MAD1L1: variants seen among roughly 807,000 people sequenced by gnomAD.
MAD1L1 encodes the protein mitotic spindle assembly checkpoint protein MAD1.
Under a neutral mutation model 96.9 loss-of-function variants are expected in MAD1L1, and 95 were observed. The ratio of observed to expected loss-of-function variants is 0.98; its 90% CI spans 0.83 to 1.16. The LOEUF (loss-of-function observed/expected upper bound fraction) is 1.16, where lower values mean the gene tolerates loss of function less well. MAD1L1 is among the 50% of genes most tolerant of loss of function. The pLI is 0.00. For synonymous variants in MAD1L1, 473 were observed against 396.6 expected (o/e 1.19, Z -2.29); for missense variants, 1,007 against 954.4 (o/e 1.06, Z -0.73).
rs552471418 is a variant in MAD1L1, at chr7:1,840,598, G to A, written c.1999-24370C>T. Among the ~76,000 whole-genome samples, 8 of 152,248 alleles carry A rather than the reference G, an allele frequency of 5.3e-5. No homozygotes were observed. In the South Asian group the frequency reaches 1.0e-3, roughly 20 times the overall value. On this transcript the variant is annotated intron_variant, in intron 18 of 18. Coordinates refer to ENST00000265854, the MANE Select transcript of MAD1L1 (RefSeq NM_001013836.2). ...TACAAAAAAAGCCAGGCATGGTGGC[G>A]GGCGCCTGTAATCCCAGCTACTCGG... is the stretch of plus-strand genomic sequence containing the variant.
At chr7:1,835,939 C>T (rs1782917412) in intron 18 of MAD1L1, among the ~76,000 whole-genome samples, 1 of 152,214 alleles carries the variant, frequency 6.6e-6, no homozygotes, top group Non-Finnish European at 1.5e-5. Flanking sequence ...TGTAAGCTGT[C>T]ATGGCACTGG....
intron 2 of MAD1L1, 67 bp downstream of exon 2, chr7:2,230,482 A>AGACACAGAGCCAACAG (rs1400258511): frequency 4.3e-6 from 1 of 233,976 alleles, no homozygotes; most frequent in Non-Finnish European, 8.6e-6. Flanking sequence ...GGTTCTCCAG[A>AGACACAGAGCCAACAG]GACACAGAGC....
chr7:1,914,875 A>G (rs746580478), intron 17 of MAD1L1, among the ~76,000 whole-genome samples: 1 of 152,138 alleles, frequency 6.6e-6, no homozygotes, highest in Non-Finnish European at 1.5e-5. Context: ...GGGCCTCCCA[A>G]AGCGTTGGGA....
chr7:2,074,674 C>T (rs992190317), intron 11 of MAD1L1, among the ~76,000 whole-genome samples: 7 of 152,382 alleles, frequency 4.6e-5, no homozygotes, highest in South Asian at 2.1e-4. Context: ...CACTCCCTGG[C>T]GAAGCGCAGG....
At chr7:2,217,326 G>C (rs1793343016) in intron 7 of MAD1L1, among the ~76,000 whole-genome samples, 1 of 152,236 alleles carries the variant, frequency 6.6e-6, no homozygotes, top group African/African-American at 2.4e-5. Flanking sequence ...CTGCCAGCCA[G>C]AAAATCCTGA....
At chr7:2,057,470 C>T (rs1376117050) in intron 12 of MAD1L1, among the ~76,000 whole-genome samples, 2 of 152,206 alleles carry the variant, frequency 1.3e-5, no homozygotes, top group African/African-American at 4.8e-5. Flanking sequence ...GCCAAGATTG[C>T]ACCACTGCAC....
At chr7:2,116,916 G>T (rs1476791540) in intron 11 of MAD1L1, among the ~76,000 whole-genome samples, 1 of 152,210 alleles carries the variant, frequency 6.6e-6, no homozygotes, top group African/African-American at 2.4e-5. Flanking sequence ...TGGAGACAAA[G>T]AAGTATTTGC....
intron 11 of MAD1L1, among the ~76,000 whole-genome samples, chr7:2,083,891 G>GCTCC (rs1785778648): frequency 6.6e-6 from 1 of 152,234 alleles, no homozygotes; most frequent in South Asian, 2.1e-4. Flanking sequence ...GCTGCAGGAT[G>GCTCC]CTCCCAGTGA....
At chr7:1,880,233 T>C (rs1785608551) in intron 18 of MAD1L1, among the ~76,000 whole-genome samples, 1 of 152,172 alleles carries the variant, frequency 6.6e-6, no homozygotes, top group South Asian at 2.1e-4. Flanking sequence ...CCATGTTTCC[T>C]GGGAGCCTGC....
At chr7:2,183,301 A>T (rs1791293587) in intron 10 of MAD1L1, among the ~76,000 whole-genome samples, 1 of 152,230 alleles carries the variant, frequency 6.6e-6, no homozygotes, top group Non-Finnish European at 1.5e-5. Context: ...GACAAGCCAC[A>T]GACAGGGCAA....
chr7:2,001,990 T>G, intron 14 of MAD1L1, 75 bp downstream of exon 14: 1 of 1,510,036 alleles, frequency 6.6e-7, no homozygotes, highest in South Asian at 1.1e-5. Context: ...CCTAAAGGCT[T>G]ATGGGGACAG....
At chr7:1,887,819 GC>G (rs1786193171) in intron 18 of MAD1L1, among the ~76,000 whole-genome samples, 1 of 139,320 alleles carries the variant, frequency 7.2e-6, no homozygotes, top group South Asian at 2.3e-4. Context: ...GTGTGTGTGT[GC>G]ATGTGTGCAT....
rs183922568 is a variant in MAD1L1 at position 1,957,611 on chromosome 7, A to C, written c.1596+18T>G. The C allele has an allele frequency of 1.9e-6, 3 of 1,612,500 alleles. No homozygotes were observed. The African/African-American group carries it at 4.0e-5, about 22-fold the overall frequency. ...GAGGCCCAGGCAGTGCCTCACCCAGAGGCTGCCCCGCCCTCACCTGCAGAG... is the reference window on the plus strand; with the variant it reads ...GAGGCCCAGGCAGTGCCTCACCCAGCGGCTGCCCCGCCCTCACCTGCAGAG... On this transcript the variant is annotated intron_variant, in intron 16 of 18. Transcript: ENST00000265854.
At chr7:2,064,874 C>T (rs1184055541) in intron 12 of MAD1L1, among the ~76,000 whole-genome samples, 2 of 151,668 alleles carry the variant, frequency 1.3e-5, no homozygotes, top group East Asian at 3.9e-4. Flanking sequence ...CAAAGGATGG[C>T]GGCTTCTCCA....
chr7:1,938,497 G>A (rs1345941585), intron 16 of MAD1L1, among the ~76,000 whole-genome samples: 1 of 152,174 alleles, frequency 6.6e-6, no homozygotes, highest in Non-Finnish European at 1.5e-5. Flanking sequence ...AGAGCAGGAG[G>A]TGCTGTTTGA....
intron 11 of MAD1L1, among the ~76,000 whole-genome samples, chr7:2,145,689 G>C (rs1004643): frequency 0.26 from 38,952 of 152,120 alleles, 5,883 homozygotes; most frequent in Non-Finnish European, 0.33. Flanking sequence ...GCACCAGGTT[G>C]CACGGCAAGC....
intron 18 of MAD1L1, among the ~76,000 whole-genome samples, chr7:1,856,406 T>C (rs1427287148): frequency 1.3e-5 from 2 of 152,298 alleles, no homozygotes; most frequent in East Asian, 3.9e-4. Flanking sequence ...GGGGGCCCCC[T>C]GCCTCCAGCG....
chr7:1,910,401 G>T (rs1475520379), intron 17 of MAD1L1, among the ~76,000 whole-genome samples: 1 of 152,250 alleles, frequency 6.6e-6, no homozygotes, highest in Non-Finnish European at 1.5e-5. Flanking sequence ...ACTACAGGGA[G>T]GGCTGGTCGC....
At chr7:2,135,914 A>G (rs1008988215) in intron 11 of MAD1L1, among the ~76,000 whole-genome samples, 6 of 152,192 alleles carry the variant, frequency 3.9e-5, no homozygotes, top group African/African-American at 1.4e-4. Context: ...GCATTTGGGA[A>G]GCGTGGCCAT....
Sources: allele counts gnomAD v4.1 joint callset (sites outside exome capture counted in the v4.1 genomes callset), GRCh38; gene constraint gnomAD v4.1.1; transcripts MANE v1.5; gene names NCBI Gene and HGNC (gene_info 2026-07-23, HGNC 2026-07-21).